Variants in MPZL2 observed in about 807,000 individuals in gnomAD.
MPZL2 encodes myelin protein zero-like protein 2.
MPZL2 carries 32 observed loss-of-function variants against 24.5 expected under a neutral mutation model. The ratio of observed to expected loss-of-function variants is 1.31; its 90% confidence interval spans 0.99 to 1.76. The LOEUF (loss-of-function observed/expected upper bound fraction) is 1.76, where lower values mean the gene tolerates loss of function less well. Among genes scored for constraint, MPZL2 ranks in the 40% most tolerant of loss-of-function variants. The probability of loss-of-function intolerance (pLI) is 0.00; values close to 1 mark genes in which losing one functional copy is unlikely to be tolerated. For missense variants in MPZL2, 304 were observed against 274.9 expected (o/e 1.11, Z -0.75); for synonymous variants, 92 against 97.9 (o/e 0.94, Z 0.36).
Position 118,264,265 on chromosome 11 carries a change from G to GT in MPZL2, c.-113dup, listed in dbSNP as rs1949723940. The GT allele has an allele frequency of 7.8e-6, 8 of 1,025,880 alleles. No individual in the cohort carries two copies. The highest frequency in any genetic ancestry group is 1.6e-5 in the African/African-American group (1 of 63,828). 63.5% of individuals were successfully genotyped at this position (1,025,880 alleles called of 1,614,324 possible). ...GCACCGCGTTTTCCCAGAGAGAGGA[G>GT]TTTGAGTTGAGTTCCTCACCTGTGC... On this transcript the variant is annotated 5_prime_UTR_variant, in exon 1 of 6. Transcript: ENST00000278937.
At position 118,254,671 on chromosome 11, in the gene MPZL2, A is replaced by G. The variant is rs1029597523; in HGVS notation, c.*575T>C. The G allele has an allele frequency of 2.6e-5, 4 of 152,274 alleles. No individual in the cohort carries two copies. Among genetic ancestry groups the G allele is most frequent in the Admixed American group, 2.6e-4 (4 of 15,292 alleles). The allele number at this position is 152,274 out of a possible 1,614,324, so 9.4% of individuals were successfully genotyped here. On this transcript the variant is annotated 3_prime_UTR_variant, in exon 6 of 6. Coordinates refer to ENST00000278937, the MANE Select transcript of MPZL2 (RefSeq NM_005797.4). ...CAAAAATCTATCACCTGGAATATTG[A>G]AAGAAATTCAGTAAAACAAGATGTG...
chr11:118,262,650 T>A lies in MPZL2; in HGVS notation c.226-2A>T, dbSNP rs746414669. 4.6e-5 allele frequency: 74 copies of A among 1,613,036 alleles called. No individual in the cohort carries two copies. In the Admixed American group the frequency reaches 1.2e-3, roughly 26 times the overall value. Reference sequence around the variant, plus strand: ...GGGATCTATGTGGTAGTAGAATACCTAGAGAGGGGAAATGGCAAAAGGTCT... The same window carrying A: ...GGGATCTATGTGGTAGTAGAATACCAAGAGAGGGGAAATGGCAAAAGGTCT... On this transcript the variant is annotated splice_acceptor_variant, in intron 2 of 5. Coordinates refer to ENST00000278937, the MANE Select transcript of MPZL2 (RefSeq NM_005797.4). LOFTEE classifies it high-confidence loss of function.
rs1349513638 is a variant in MPZL2, at chr11:118,264,150, A to G, written c.4T>C (p.Tyr2His). Residue 2 changes from tyrosine to histidine, a missense_variant, in exon 1 of 6, where the codon TAT becomes CAT. Transcript: ENST00000278937. ...ACCGCACGAGTAGAGCTCTTGCCAT[A>G]CATGAGGGAAACCCAGCCTTGGCCC... M[Y>H]GKSSTRAVLL... The G allele has an allele frequency of 2.0e-5, 32 of 1,613,984 alleles. No homozygotes were observed. The highest frequency in any genetic ancestry group is 4.2e-6 in the Non-Finnish European group (5 of 1,180,016).
At chr11:118,260,708 A>G (rs1949694854) in intron 3 of MPZL2, among the ~76,000 whole-genome samples, 1 of 152,244 alleles carries the variant, frequency 6.6e-6, no homozygotes, top group African/African-American at 2.4e-5. Flanking sequence ...TGTGATAGAA[A>G]TGCTGAGCCA....
At position 118,260,078 on chromosome 11, in the gene MPZL2, GCT is replaced by G; in HGVS notation, c.558_559del (p.Arg186SerfsTer3). The G allele has an allele frequency of 6.2e-7, 1 of 1,614,000 alleles. No individual in the cohort carries two copies. The highest frequency in any genetic ancestry group is 1.1e-5 in the South Asian group (1 of 91,076). ...CGATTTTATCTCCACCACTTTATGA[GCT>G]CTTTCGGCCCATCGCTTTTTCCGGT... is the stretch of plus-strand genomic sequence containing the variant. On this transcript the variant is annotated frameshift_variant, in exon 4 of 6. Transcript: ENST00000278937. LOFTEE classifies it high-confidence loss of function.
rs368055379 is a variant in MPZL2, at chr11:118,262,593, C to T, written c.281G>A (p.Arg94Gln). 19 of 1,613,990 alleles carry T rather than the reference C, an allele frequency of 1.2e-5. No homozygotes were observed. In the South Asian group the frequency reaches 1.5e-4, roughly 13 times the overall value. Residue 94 changes from arginine to glutamine, a missense_variant, in exon 3 of 6, where the codon CGG becomes CAG. Transcript: ENST00000278937. Reference protein sequence around the residue: ...FQPMSGRFKDRVSWDGNPERY... With the variant: ...FQPMSGRFKDQVSWDGNPERY... The stretch of plus-strand genomic sequence containing the variant: ...CTCAGGATTCCCATCCCAAGACACC[C>T]GGTCCTTAAACCGCCCACTCATGGG...
At position 118,264,128 on chromosome 11, in the gene MPZL2, G is replaced by A. The variant is rs780942835; in HGVS notation, c.26C>T (p.Ala9Val). MYGKSSTR[A>V]VLLLLGIQLT... ...CTGTATGCCAAGGAGAAGAAGCACC[G>A]CACGAGTAGAGCTCTTGCCATACAT... The change falls in exon 1 of 6, where the codon GCG (alanine) becomes GTG (valine). Residue 9 changes from alanine (A) to valine (V), a missense_variant. Transcript: ENST00000278937. 1 of 1,613,966 alleles carries A rather than the reference G, an allele frequency of 6.2e-7. No individual in the cohort carries two copies. The highest frequency in any genetic ancestry group is 1.3e-5 in the African/African-American group (1 of 74,906).
Position 118,254,272 on chromosome 11 carries a change from T to C in MPZL2, c.*974A>G, listed in dbSNP as rs1490983043. ...TAATTTCTTCTAGTTCTCAGAGTTT[T>C]ATATAAAACTGTACAAAATTATCAT... On this transcript the variant is annotated 3_prime_UTR_variant, in exon 6 of 6. Transcript: ENST00000278937. The C allele has an allele frequency of 2.0e-5, 3 of 152,238 alleles. No homozygotes were observed. The highest frequency in any genetic ancestry group is 6.5e-5 in the Admixed American group (1 of 15,282). The allele number at this position is 152,238 out of a possible 1,614,324, so 9.4% of individuals were successfully genotyped here. A position where few individuals can be genotyped will look rare whatever the true frequency, so the allele number is the denominator to read the frequency against.
In MPZL2 at chr11:118,254,491, C is replaced by G. The variant is rs1259608555; in HGVS notation, c.*755G>C. On this transcript the variant is annotated 3_prime_UTR_variant, in exon 6 of 6. Coordinates refer to ENST00000278937, the MANE Select transcript of MPZL2 (RefSeq NM_005797.4). ...TCCGTCACTGCTCATGAAAGACCCA[C>G]ATTGTTGATTATTTTTCCCAGCACA... The G allele has an allele frequency of 6.6e-6, 1 of 152,186 alleles. No individual in the cohort carries two copies. Among genetic ancestry groups the G allele is most frequent in the Non-Finnish European group, 1.5e-5 (1 of 68,030 alleles). 9.4% of individuals were successfully genotyped at this position (152,186 alleles called of 1,614,324 possible). A position where few individuals can be genotyped will look rare whatever the true frequency, so the allele number is the denominator to read the frequency against.
At chr11:118,262,162 T>C (rs1228816565) in intron 3 of MPZL2, among the ~76,000 whole-genome samples, 1 of 152,164 alleles carries the variant, frequency 6.6e-6, no homozygotes, top group Admixed American at 6.5e-5. Context: ...AAAGAATTGC[T>C]CCCTCTCCCT....
intron 5 of MPZL2, among the ~76,000 whole-genome samples, chr11:118,255,594 T>C (rs11216836): frequency 6.6e-6 from 1 of 152,108 alleles, no homozygotes; most frequent in Non-Finnish European, 1.5e-5. Flanking sequence ...CTTAAATTCA[T>C]TAATTCATTC....
intron 5 of MPZL2, among the ~76,000 whole-genome samples, chr11:118,256,581 G>A (rs1228510191): frequency 6.6e-6 from 1 of 152,000 alleles, no homozygotes; most frequent in African/African-American, 2.4e-5. Flanking sequence ...GCTTGGGAGG[G>A]AGAAGTTGCA....
chr11:118,257,227 G>A lies in MPZL2; in HGVS notation c.*12+11C>T, dbSNP rs762389567. 94 of 1,588,128 alleles carry A rather than the reference G, an allele frequency of 5.9e-5. 1 individual carries two copies. The South Asian group carries it at 1.0e-3, about 17-fold the overall frequency. ...GCTGAAGAAAGAAATCAACCTATTTGTGAACCTTACCATCTAAAATTGTTA... is the reference window on the plus strand; with the variant it reads ...GCTGAAGAAAGAAATCAACCTATTTATGAACCTTACCATCTAAAATTGTTA... On this transcript the variant is annotated intron_variant, in intron 5 of 5. Transcript: ENST00000278937.
intron 3 of MPZL2, among the ~76,000 whole-genome samples, chr11:118,261,951 G>A (rs77097014): frequency 0.051 from 7,692 of 152,250 alleles, 656 homozygotes; most frequent in African/African-American, 0.17. Context: ...AATAAAATGT[G>A]TCATGTAAAG....
intron 4 of MPZL2, 100 bp from the exon 5 acceptor site, chr11:118,257,413 G>T: frequency 1.0e-6 from 1 of 962,530 alleles, no homozygotes; most frequent in Non-Finnish European, 1.6e-6. Context: ...CCATATTTTT[G>T]GAAGAATTAC....
rs531325334 is a variant in MPZL2, at chr11:118,254,033, A to G, written c.*1213T>C. The stretch of plus-strand genomic sequence containing the variant: ...GAGCCTAAACTTTTAGATGCTTTCT[A>G]TCCTTTGAACAAATGCTTCTGTATC... On this transcript the variant is annotated 3_prime_UTR_variant, in exon 6 of 6. Transcript: ENST00000278937. 1.3e-5 allele frequency: 2 copies of G among 152,684 alleles called. No individual in the cohort carries two copies. Among genetic ancestry groups the G allele is most frequent in the Admixed American group, 6.5e-5 (1 of 15,304 alleles). 9.5% of individuals were successfully genotyped at this position (152,684 alleles called of 1,614,324 possible). A position where few individuals can be genotyped will look rare whatever the true frequency, so the allele number is the denominator to read the frequency against.
At position 118,262,993 on chromosome 11, in the gene MPZL2, C is replaced by A. The variant is rs758720146; in HGVS notation, c.163G>T (p.Val55Leu). Reference sequence around the variant, plus strand: ...CAGGTCACTGTTAGAGCATCACCCACAGGGGCAAAGCTGGAGAAAGTGCAT... The same window carrying A: ...CAGGTCACTGTTAGAGCATCACCCAAAGGGGCAAAGCTGGAGAAAGTGCAT... ...LKCTFSSFAP[V>L]GDALTVTWNF... The change falls in exon 2 of 6, where the codon GTG becomes TTG. Residue 55 changes from valine to leucine, a missense_variant. Val to Leu is a conservative substitution (Grantham distance 32). Transcript: ENST00000278937. 6.2e-7 allele frequency: 1 copy of A among 1,614,114 alleles called. No homozygotes were observed. Among genetic ancestry groups the A allele is most frequent in the Admixed American group, 1.7e-5 (1 of 59,992 alleles).
intron 5 of MPZL2, among the ~76,000 whole-genome samples, chr11:118,256,722 T>C (rs374843433): frequency 3.3e-5 from 5 of 152,228 alleles, no homozygotes; most frequent in African/African-American, 1.2e-4. Flanking sequence ...AAAAATAAAA[T>C]TATACGCTAC....
chr11:118,263,134 G>T, intron 1 of MPZL2, 37 bp from the exon 2 acceptor site: 1 of 1,597,504 alleles, frequency 6.3e-7, no homozygotes, highest in Non-Finnish European at 8.5e-7. Context: ...GGTTAACAGG[G>T]GATGTAGTAT....
Sources: gnomAD v4.1 joint callset for allele counts (sites outside exome capture counted in the v4.1 genomes callset) on GRCh38, gnomAD v4.1.1 for gene constraint, MANE v1.5 for transcripts, NCBI Gene and HGNC (gene_info 2026-07-23, HGNC 2026-07-21) for gene names.